Variants in HHIPL2 observed in about 807,000 individuals in gnomAD.
HHIPL2 encodes HHIP-like protein 2.
HHIPL2 carries 61 observed loss-of-function variants against 61.0 expected under a neutral mutation model. The observed-to-expected ratio is 1.00, with a 90% confidence interval of 0.81 to 1.24. The LOEUF (loss-of-function observed/expected upper bound fraction) is 1.24, where lower values mean the gene tolerates loss of function less well. Among genes scored for constraint, HHIPL2 ranks in the 50% most tolerant of loss-of-function variants. HHIPL2 has a pLI of 0.00. For synonymous variants in HHIPL2, 343 were observed against 357.4 expected, an observed-to-expected ratio of 0.96 and a Z score of 0.45; for missense variants, 885 against 910.2, an observed-to-expected ratio of 0.97 and a Z score of 0.36.
At chr1:222,537,015 C>A (rs922771090) in intron 5 of HHIPL2, among the ~76,000 whole-genome samples, 1 of 152,058 alleles carries the variant, frequency 6.6e-6, no homozygotes, top group Non-Finnish European at 1.5e-5. Context: ...GTCCAGCTTG[C>A]ATAACAGAGC....
chr1:222,544,156 C>A lies in HHIPL2; in HGVS notation c.355G>T (p.Ala119Ser), dbSNP rs777986763. The A allele has an allele frequency of 6.8e-6, 11 of 1,613,382 alleles. No individual in the cohort carries two copies. The highest frequency in any genetic ancestry group is 9.3e-6 in the Non-Finnish European group (11 of 1,180,012). The change falls in exon 2 of 9, where the codon GCC (alanine) becomes TCC (serine). Residue 119 changes from alanine (A) to serine (S), a missense_variant. By Grantham distance (99) the Ala-to-Ser change is moderately conservative (BLOSUM62 1). Coordinates refer to ENST00000343410, the MANE Select transcript of HHIPL2 (RefSeq NM_024746.4). ...CSPYAAHLYDAENTQTPLRNL... is the reference protein window; with the variant it reads ...CSPYAAHLYDSENTQTPLRNL... ...CGGAGAGGCGTCTGGGTGTTTTCGGCGTCGTAGAGGTGGGCTGCGTAGGGC... is the reference window on the plus strand; with the variant it reads ...CGGAGAGGCGTCTGGGTGTTTTCGGAGTCGTAGAGGTGGGCTGCGTAGGGC...
intron 2 of HHIPL2, 134 bp downstream of exon 2, chr1:222,543,403 T>G (rs1659476652): frequency 2.2e-6 from 2 of 906,254 alleles, no homozygotes; most frequent in East Asian, 4.8e-5. Flanking sequence ...CCGTTCTCAA[T>G]CCACAGTGAC....
Position 222,522,977 on chromosome 1 carries a change from T to A in HHIPL2, c.1889-90A>T, listed in dbSNP as rs936590681. 4 of 1,046,840 alleles carry A rather than the reference T, an allele frequency of 3.8e-6. No individual in the cohort carries two copies. The African/African-American group carries it at 6.5e-5, about 17-fold the overall frequency. The allele number at this position is 1,046,840 out of a possible 1,614,324, so 64.8% of individuals were successfully genotyped here. On this transcript the variant is annotated intron_variant, in intron 8 of 8. Coordinates refer to ENST00000343410, the MANE Select transcript of HHIPL2 (RefSeq NM_024746.4). ...ATAACTGCATTATAGTTCTTTAATATAAATTATTCTTATTAATACTTTTAA... is the reference window on the plus strand; with the variant it reads ...ATAACTGCATTATAGTTCTTTAATAAAAATTATTCTTATTAATACTTTTAA...
rs1272340122 is a variant in HHIPL2 at position 222,542,040 on chromosome 1, A to G, written c.1090T>C (p.Phe364Leu). The G allele has an allele frequency of 1.9e-6, 3 of 1,613,848 alleles. No individual in the cohort carries two copies. The South Asian group carries it at 3.3e-5, about 18-fold the overall frequency. Residue 364 changes from phenylalanine to leucine, a missense_variant, in exon 3 of 9, where the codon TTT (phenylalanine) becomes CTT (leucine). Physicochemically the swap from Phe to Leu is conservative, Grantham distance 22. Transcript: ENST00000343410. ...TTCTGAGCATTTCCAAACAGGCCAA[A>G]GGGATCTCCAGCCTGTCCCCCGTCC... ...TGDGGQAGDPFGLFGNAQNKS... is the reference protein window; with the variant it reads ...TGDGGQAGDPLGLFGNAQNKS...
intron 5 of HHIPL2, among the ~76,000 whole-genome samples, chr1:222,537,053 T>C (rs1038845261): frequency 6.6e-6 from 1 of 151,868 alleles, no homozygotes; most frequent in African/African-American, 2.4e-5. Context: ...AATAAATAAA[T>C]AAATAAGATA....
chr1:222,545,389 C>G (rs190515239), intron 1 of HHIPL2, among the ~76,000 whole-genome samples: 1 of 152,298 alleles, frequency 6.6e-6, no homozygotes, highest in East Asian at 1.9e-4. Context: ...GCAGAGTCAG[C>G]TTTCGGTCAT....
At chr1:222,527,973 T>G (rs1217735669) in intron 6 of HHIPL2, among the ~76,000 whole-genome samples, 3 of 152,182 alleles carry the variant, frequency 2.0e-5, no homozygotes, top group Non-Finnish European at 4.4e-5. Context: ...CAGTCTCAGG[T>G]ATGTCTTTAT....
At chr1:222,539,313 C>T (rs1374414699) in intron 4 of HHIPL2, among the ~76,000 whole-genome samples, 3 of 151,838 alleles carry the variant, frequency 2.0e-5, no homozygotes, top group South Asian at 4.2e-4. Context: ...AGGCGGATCA[C>T]GAGGTCAGGA....
chr1:222,545,548 T>C (rs1445161151), intron 1 of HHIPL2, among the ~76,000 whole-genome samples: 2 of 151,934 alleles, frequency 1.3e-5, no homozygotes, highest in Non-Finnish European at 2.9e-5. Context: ...TCTCGGAGAC[T>C]GGGAAAAAGG....
intron 6 of HHIPL2, among the ~76,000 whole-genome samples, chr1:222,528,207 C>T (rs1659109960): frequency 6.6e-6 from 1 of 152,212 alleles, no homozygotes. Flanking sequence ...CCTCTCCATG[C>T]TATCTTGGGA....
chr1:222,525,796 C>G (rs1055920022), intron 7 of HHIPL2, among the ~76,000 whole-genome samples: 8 of 151,842 alleles, frequency 5.3e-5, no homozygotes, highest in Admixed American at 6.6e-5. Flanking sequence ...GCCAGGAGTT[C>G]GAGACTAGCC....
At chr1:222,536,256 A>AT (rs373290354) in intron 5 of HHIPL2, among the ~76,000 whole-genome samples, 2 of 152,234 alleles carry the variant, frequency 1.3e-5, no homozygotes, top group Non-Finnish European at 2.9e-5. Flanking sequence ...AACCAGACTG[A>AT]TTTAAAAAAA....
At chr1:222,538,939 A>C (rs1217636820) in intron 4 of HHIPL2, 165 bp from the exon 5 acceptor site, 11 of 621,030 alleles carry the variant, frequency 1.8e-5, no homozygotes, top group Admixed American at 3.3e-5. Context: ...TATTGTTCTC[A>C]ATAGGCCATC....
intron 1 of HHIPL2, among the ~76,000 whole-genome samples, chr1:222,546,676 T>C (rs2102624752): frequency 6.6e-6 from 1 of 152,312 alleles, no homozygotes; most frequent in East Asian, 1.9e-4. Context: ...AGGAAACAGC[T>C]GTGGAGTGGT....
At chr1:222,527,905 C>A (rs1659103911) in intron 6 of HHIPL2, among the ~76,000 whole-genome samples, 1 of 152,182 alleles carries the variant, frequency 6.6e-6, no homozygotes, top group African/African-American at 2.4e-5. Flanking sequence ...GAAGCCTTCC[C>A]AGCCATGTGG....
chr1:222,538,312 C>A (rs530956959), intron 5 of HHIPL2, among the ~76,000 whole-genome samples: 2 of 149,978 alleles, frequency 1.3e-5, no homozygotes, highest in Non-Finnish European at 3.0e-5. Flanking sequence ...GGACGGGGGA[C>A]AGGCTGGAGA....
At chr1:222,530,219 A>C (rs945695381) in intron 6 of HHIPL2, among the ~76,000 whole-genome samples, 1 of 151,866 alleles carries the variant, frequency 6.6e-6, no homozygotes, top group Non-Finnish European at 1.5e-5. Flanking sequence ...AGCACAACAA[A>C]CCAAGCCACC....
chr1:222,543,381 G>A (rs1197850876), intron 2 of HHIPL2, among the ~76,000 whole-genome samples, 156 bp downstream of exon 2: 1 of 152,178 alleles, frequency 6.6e-6, no homozygotes, highest in East Asian at 1.9e-4. Context: ...TAACTCAAGA[G>A]GCTAACTTGG....
In HHIPL2 at chr1:222,527,010, A is replaced by G; in HGVS notation, c.1764T>C (p.Tyr588=). 6.2e-7 allele frequency: 1 copy of G among 1,613,776 alleles called. No individual in the cohort carries two copies. Among genetic ancestry groups the G allele is most frequent in the Non-Finnish European group, 8.5e-7 (1 of 1,179,880 alleles). ...ACTTGTAAATAGATCCACGTGGTGC[A>G]TAGGCACTTGGGTAAGAGGTCGCCA... ...YFLATSYPSA[Y]APRGSIYKFV... is the part of the protein sequence containing the mutation. Residue 588 remains tyrosine, a synonymous_variant, in exon 7 of 9, where the codon TAT becomes TAC. Transcript: ENST00000343410.
Sources: allele counts gnomAD v4.1 joint callset (sites outside exome capture counted in the v4.1 genomes callset), GRCh38; gene constraint gnomAD v4.1.1; transcripts MANE v1.5; gene names NCBI Gene and HGNC (gene_info 2026-07-23, HGNC 2026-07-21).